Variants in GPC5 observed in about 807,000 individuals in gnomAD.
GPC5 encodes the protein glypican 5, also known as glypican-5.
A neutral mutation model predicts 53.9 loss-of-function variants in GPC5; 47 were observed. The observed-to-expected ratio is 0.87, with a 90% CI of 0.69 to 1.11. The LOEUF is 1.11. Among genes scored for constraint, GPC5 ranks in the 50% most tolerant of loss-of-function variants. The pLI, the probability that GPC5 is intolerant of heterozygous loss-of-function variation, is 0.00. For synonymous variants in GPC5, 286 were observed against 263.3 expected (o/e 1.09, Z -0.84); for missense variants, 748 against 713.1 (o/e 1.05, Z -0.56).
At chr13:92,648,197 T>G (rs1034161038) in intron 7 of GPC5, among the ~76,000 whole-genome samples, 1 of 152,128 alleles carries the variant, frequency 6.6e-6, no homozygotes. Context: ...CTTTGCTTTG[T>G]GATATTTCTG....
At chr13:92,426,818 G>A (rs1267268713) in intron 7 of GPC5, among the ~76,000 whole-genome samples, 14 of 151,930 alleles carry the variant, frequency 9.2e-5, no homozygotes, top group Non-Finnish European at 2.1e-4. Context: ...TCCATAGAGA[G>A]CACAGGTTAT....
At chr13:91,685,800 A>G (rs982257261) in intron 2 of GPC5, among the ~76,000 whole-genome samples, 2 of 152,140 alleles carry the variant, frequency 1.3e-5, no homozygotes, top group South Asian at 2.1e-4. Context: ...ATTGAAAGCC[A>G]AAAATATAGA....
intron 2 of GPC5, among the ~76,000 whole-genome samples, chr13:91,575,790 G>T (rs1241641090): frequency 6.6e-6 from 1 of 152,046 alleles, no homozygotes; most frequent in Admixed American, 6.6e-5. Flanking sequence ...AAGTAAAGCG[G>T]CTATTTTCTT....
chr13:92,768,174 G>A (rs1875478114), intron 7 of GPC5, among the ~76,000 whole-genome samples: 1 of 152,128 alleles, frequency 6.6e-6, no homozygotes, highest in African/African-American at 2.4e-5. Context: ...TTCATACGTA[G>A]AATTTCAAGA....
chr13:91,585,516 G>T (rs533458197), intron 2 of GPC5, among the ~76,000 whole-genome samples: 3 of 152,172 alleles, frequency 2.0e-5, no homozygotes, highest in Non-Finnish European at 2.9e-5. Flanking sequence ...CCATCATGAT[G>T]ATGAGCAAAA....
chr13:92,820,964 T>A (rs1295630899), intron 7 of GPC5, among the ~76,000 whole-genome samples: 1 of 152,136 alleles, frequency 6.6e-6, no homozygotes, highest in African/African-American at 2.4e-5. Flanking sequence ...AGTCAACATT[T>A]GACTCTTGAC....
chr13:92,742,266 T>G (rs1375802354), intron 7 of GPC5, among the ~76,000 whole-genome samples: 2 of 151,596 alleles, frequency 1.3e-5, no homozygotes, highest in Admixed American at 6.6e-5. Context: ...GACTTTTTAA[T>G]GATTGCCATT....
chr13:92,841,336 T>C (rs944819095), intron 7 of GPC5, among the ~76,000 whole-genome samples: 6 of 152,144 alleles, frequency 3.9e-5, no homozygotes, highest in African/African-American at 1.4e-4. Flanking sequence ...AAAGAGAATC[T>C]TTTTCCATGA....
At chr13:92,311,258 C>T (rs1388059490) in intron 7 of GPC5, among the ~76,000 whole-genome samples, 2 of 152,086 alleles carry the variant, frequency 1.3e-5, no homozygotes, top group Admixed American at 1.3e-4. Context: ...TTTCAAGCAG[C>T]TAGCATGTGC....
chr13:91,983,615 C>G (rs1255796504), intron 6 of GPC5, among the ~76,000 whole-genome samples: 1 of 152,152 alleles, frequency 6.6e-6, no homozygotes. Context: ...AGAATTCTCT[C>G]CAGACACTCG....
At chr13:91,991,330 T>C (rs2040454604) in intron 6 of GPC5, among the ~76,000 whole-genome samples, 1 of 152,246 alleles carries the variant, frequency 6.6e-6, no homozygotes, top group African/African-American at 2.4e-5. Flanking sequence ...GCAATTTCTT[T>C]GCTGTCAGAG....
chr13:91,513,174 G>T (rs1354660325), intron 2 of GPC5, among the ~76,000 whole-genome samples: 19 of 152,132 alleles, frequency 1.2e-4, no homozygotes, highest in Non-Finnish European at 1.8e-4. Flanking sequence ...TCTTTATATT[G>T]TGATGATGAT....
intron 6 of GPC5, among the ~76,000 whole-genome samples, chr13:92,054,994 C>T (rs1357865049): frequency 2.0e-5 from 3 of 152,096 alleles, no homozygotes; most frequent in African/African-American, 4.8e-5. Context: ...AGGCCAATCA[C>T]AATTTTATGA....
At chr13:92,751,356 T>C (rs1274885083) in intron 7 of GPC5, among the ~76,000 whole-genome samples, 1 of 131,008 alleles carries the variant, frequency 7.6e-6, no homozygotes, top group Non-Finnish European at 1.6e-5. Context: ...TCATAAAATC[T>C]TATTTTGTTC....
chr13:91,701,549 C>CTG (rs143841432), intron 3 of GPC5, among the ~76,000 whole-genome samples: 6,992 of 148,412 alleles, frequency 0.047, 224 homozygotes, highest in African/African-American at 0.091. Flanking sequence ...TAATATTCCA[C>CTG]TGTGTGTGTG....
At chr13:91,959,216 G>A (rs567677093) in intron 6 of GPC5, among the ~76,000 whole-genome samples, 24 of 151,738 alleles carry the variant, frequency 1.6e-4, no homozygotes, top group African/African-American at 5.3e-4. Context: ...AAATGAAATG[G>A]GAAACACTTC....
intron 6 of GPC5, among the ~76,000 whole-genome samples, chr13:92,004,478 A>ATATATAT (rs1566389224): frequency 7.3e-6 from 1 of 136,114 alleles, no homozygotes; most frequent in African/African-American, 2.8e-5. Flanking sequence ...ATATATATAT[A>ATATATAT]TATATATATA....
intron 7 of GPC5, among the ~76,000 whole-genome samples, chr13:92,326,218 A>T (rs1469745180): frequency 6.6e-6 from 1 of 152,102 alleles, no homozygotes; most frequent in African/African-American, 2.4e-5. Context: ...GTTCTCATTC[A>T]GGTGTAATTC....
At position 91,739,488 on chromosome 13, in the gene GPC5, C is replaced by T. The variant is rs9583960; in HGVS notation, c.1154+10823C>T. On this transcript the variant is annotated intron_variant, in intron 4 of 7. Transcript: ENST00000377067. Reference sequence around the variant, plus strand: ...TAGGAATTTGGGAGCTAATTAGTTGCGGGGTTCATGCTCAGGGTCATTAGA... The same window carrying T: ...TAGGAATTTGGGAGCTAATTAGTTGTGGGGTTCATGCTCAGGGTCATTAGA... 3.3e-3 allele frequency among the ~76,000 whole-genome samples: 497 copies of T among 151,474 alleles called. 37 individuals are homozygous for T. Among genetic ancestry groups the T allele is most frequent in the African/African-American group, 0.011 (445 of 40,826 alleles).
Sources: allele counts gnomAD v4.1 joint callset (sites outside exome capture counted in the v4.1 genomes callset), GRCh38; gene constraint gnomAD v4.1.1; transcripts MANE v1.5; gene names NCBI Gene and HGNC (gene_info 2026-07-23, HGNC 2026-07-21).